The following GGTLC2 variants were observed in gnomAD, a reference collection of about 807,000 sequenced individuals.
GGTLC2 encodes the protein glutathione hydrolase light chain 2.
Under a neutral mutation model 20.2 loss-of-function variants are expected in GGTLC2, and 13 were observed. The ratio of observed to expected loss-of-function variants is 0.64; its 90% CI spans 0.42 to 1.02. The LOEUF (loss-of-function observed/expected upper bound fraction) is 1.02, where lower values mean the gene tolerates loss of function less well. Ranked by LOEUF, GGTLC2 falls within the 50% of genes least tolerant of loss-of-function variation. The probability of loss-of-function intolerance (pLI) is 0.00; values close to 1 mark genes in which losing one functional copy is unlikely to be tolerated. For missense variants in GGTLC2, 202 were observed against 301.3 expected, an observed-to-expected ratio of 0.67 and a Z score of 2.44; for synonymous variants, 89 against 125.5, an observed-to-expected ratio of 0.71 and a Z score of 1.94.
At chr22:22,647,379 T>G (rs4050573) in intron 5 of GGTLC2, 89 bp downstream of exon 5, 483 of 1,603,900 alleles carry the variant, frequency 3.0e-4, no homozygotes, top group Admixed American at 1.3e-3. Context: ...AGTGGACAAT[T>G]GTTGGTGTCC....
In GGTLC2 at chr22:22,646,604, C is replaced by A. The variant is rs1244566179; in HGVS notation, c.176+83C>A. 2.0e-5 allele frequency: 26 copies of A among 1,304,978 alleles called. 1 individual carries two copies. In the Admixed American group the frequency reaches 5.5e-4, roughly 28 times the overall value. The allele number at this position is 1,304,978 out of a possible 1,614,324, so 80.8% of individuals were successfully genotyped here. A position where few individuals can be genotyped will look rare whatever the true frequency, so the allele number is the denominator to read the frequency against. ...TGCCCACTTATCCAGTAAGGTGGCTCCATCACCTCTTTTCCTGGTGGGAAA... is the reference window on the plus strand; with the variant it reads ...TGCCCACTTATCCAGTAAGGTGGCTACATCACCTCTTTTCCTGGTGGGAAA... On this transcript the variant is annotated intron_variant, in intron 2 of 5. Coordinates refer to ENST00000448514, the MANE Select transcript of GGTLC2 (RefSeq NM_199127.3).
rs369053531 is a variant in GGTLC2 at position 22,647,222 on chromosome 22, G to T, written c.442G>T (p.Val148Leu). 3.1e-6 allele frequency: 5 copies of T among 1,611,356 alleles called. No homozygotes were observed. Among genetic ancestry groups the T allele is most frequent in the Non-Finnish European group, 3.4e-6 (4 of 1,179,576 alleles). ...GTTCGGCTATGACGTGAAGCGGGCC[G>T]TGGAGGAGCCCCGGCTGCACAACCA... ...LWFGYDVKRA[V>L]EEPRLHNQLL... Residue 148 changes from valine to leucine, a missense_variant, in exon 5 of 6, where the codon GTG (valine) becomes TTG (leucine). Physicochemically the swap from Val to Leu is conservative, Grantham distance 32. Around this residue, in one of 4 missense-constraint regions of GGTLC2, gnomAD observed 65 missense variants for 87.5 expected, o/e 0.74. Transcript: ENST00000448514.
chr22:22,645,072 T>C (rs2146233135), intron 1 of GGTLC2, among the ~76,000 whole-genome samples: 1 of 148,474 alleles, frequency 6.7e-6, no homozygotes, highest in East Asian at 2.2e-4. Flanking sequence ...TTTTGTATTT[T>C]TAGTAGAGAC....
chr22:22,645,074 A>G (rs985765843), intron 1 of GGTLC2, among the ~76,000 whole-genome samples: 2 of 147,804 alleles, frequency 1.4e-5, no homozygotes, highest in African/African-American at 5.0e-5. Flanking sequence ...TTGTATTTTT[A>G]GTAGAGACGG....
At position 22,647,422 on chromosome 22, in the gene GGTLC2, G is replaced by C. The variant is rs578239255; in HGVS notation, c.510+132G>C. 7.0e-6 allele frequency: 10 copies of C among 1,420,936 alleles called. No individual in the cohort carries two copies. In the African/African-American group the frequency reaches 1.4e-4, roughly 20 times the overall value. 88.0% of individuals were successfully genotyped at this position (1,420,936 alleles called of 1,614,324 possible). On this transcript the variant is annotated intron_variant, in intron 5 of 5. Transcript: ENST00000448514. Reference sequence around the variant, plus strand: ...AGTGCCTGGGCCATCTGGAGCCCCTGTGCCATGAGGGCCAAGCCCCCTGCT... The same window carrying C: ...AGTGCCTGGGCCATCTGGAGCCCCTCTGCCATGAGGGCCAAGCCCCCTGCT...
intron 1 of GGTLC2, among the ~76,000 whole-genome samples, chr22:22,645,679 C>A (rs2064046426): frequency 6.6e-6 from 1 of 151,156 alleles, no homozygotes; most frequent in South Asian, 2.1e-4. Context: ...CCTAAGCCTG[C>A]ATGGCACAGA....
intron 1 of GGTLC2, among the ~76,000 whole-genome samples, chr22:22,645,864 C>T (rs2064058532): frequency 6.6e-6 from 1 of 151,022 alleles, no homozygotes; most frequent in African/African-American, 2.4e-5. Flanking sequence ...AGGCTCTTTT[C>T]ACACGTTGCC....
intron 1 of GGTLC2, 146 bp from the exon 2 acceptor site, chr22:22,646,166 G>C (rs1470252660): frequency 7.2e-7 from 1 of 1,392,794 alleles, no homozygotes; most frequent in Admixed American, 2.4e-5. Flanking sequence ...CAGGGAGTCA[G>C]ACTGGTCATG....
chr22:22,646,981 A>G lies in GGTLC2; in HGVS notation c.305-2A>G, dbSNP rs200636442. ...ATCCCTGTCTTCTCCCATCGGCCAC[A>G]GGGAAGCAGCCGCTCTCGTCAATGT... is the stretch of plus-strand genomic sequence containing the variant. On this transcript the variant is annotated splice_acceptor_variant, in intron 3 of 5. Coordinates refer to ENST00000448514, the MANE Select transcript of GGTLC2 (RefSeq NM_199127.3). LOFTEE classifies it high-confidence loss of function. The G allele has an allele frequency of 3.7e-6, 6 of 1,611,660 alleles. No individual in the cohort carries two copies. Among genetic ancestry groups the G allele is most frequent in the Non-Finnish European group, 5.1e-6 (6 of 1,179,790 alleles).
At chr22:22,644,979 G>C (rs573375152) in intron 1 of GGTLC2, among the ~76,000 whole-genome samples, 30 of 114,326 alleles carry the variant, frequency 2.6e-4, no homozygotes, top group Admixed American at 2.3e-4. Flanking sequence ...CGCAAGCTCC[G>C]CCTACCGGGT....
chr22:22,646,446 A>T lies in GGTLC2; in HGVS notation c.101A>T (p.Asp34Val). 4 of 1,527,926 alleles carry T rather than the reference A, an allele frequency of 2.6e-6. 1 individual carries two copies. Among genetic ancestry groups the T allele is most frequent in the Non-Finnish European group, 3.6e-6 (4 of 1,122,014 alleles). 94.6% of individuals were successfully genotyped at this position (1,527,926 alleles called of 1,614,324 possible). A position where few individuals can be genotyped will look rare whatever the true frequency, so the allele number is the denominator to read the frequency against. Residue 34 changes from aspartate (D) to valine (V), a missense_variant, in exon 2 of 6, where the codon GAT becomes GTT. Asp to Val is a radical substitution (Grantham distance 152). Coordinates refer to ENST00000448514, the MANE Select transcript of GGTLC2 (RefSeq NM_199127.3). ...AAGCCCGAGTTCTACACGCCGGTTG[A>T]TGGGGGCACTGCTCACCTGTCTGTC... ...YYKPEFYTPV[D>V]GGTAHLSVVA... is the part of the protein sequence containing the mutation.
At chr22:22,644,978 C>T (rs1280154863) in intron 1 of GGTLC2, among the ~76,000 whole-genome samples, 2 of 133,874 alleles carry the variant, frequency 1.5e-5, no homozygotes, top group Admixed American at 1.5e-4. Flanking sequence ...CCGCAAGCTC[C>T]GCCTACCGGG....
rs376277305 is a variant in GGTLC2, at chr22:22,646,483, C to T, written c.138C>T (p.Asp46=). Residue 46 remains aspartate, a synonymous_variant, in exon 2 of 6, where the codon GAC becomes GAT. Coordinates refer to ENST00000448514, the MANE Select transcript of GGTLC2 (RefSeq NM_199127.3). ...GTAHLSVVAE[D]GSAVSATSTI... is the part of the protein sequence containing the mutation. Reference sequence around the variant, plus strand: ...CTCACCTGTCTGTCGTCGCAGAGGACGGCAGTGCTGTGTCCGCCACCAGCA... The same window carrying T: ...CTCACCTGTCTGTCGTCGCAGAGGATGGCAGTGCTGTGTCCGCCACCAGCA... 278 of 1,564,394 alleles carry T rather than the reference C, an allele frequency of 1.8e-4. 3 individuals are homozygous for T. Among genetic ancestry groups the T allele is most frequent in the African/African-American group, 3.1e-4 (23 of 74,306 alleles).
chr22:22,645,203 C>T (rs1249819692), intron 1 of GGTLC2, among the ~76,000 whole-genome samples: 26 of 151,324 alleles, frequency 1.7e-4, no homozygotes, highest in African/African-American at 4.9e-4. Flanking sequence ...CGTGAGCCAC[C>T]GCGCCCGGTG....
chr22:22,646,834 C>T lies in GGTLC2; in HGVS notation c.257C>T (p.Thr86Ile), dbSNP rs770082312. Residue 86 changes from threonine to isoleucine, a missense_variant, in exon 3 of 6, where the codon ACC (threonine) becomes ATC (isoleucine). By Grantham distance (89) the Thr-to-Ile change is moderately conservative. This residue lies in a region of GGTLC2 where 71 missense variants were observed against 63.0 expected (regional missense o/e 1.13). Transcript: ENST00000448514. ...GATGACTTCAGCTCTCCCAACATCA[C>T]CAACGAGTTTGGGGTGCCCCCCTCA... ...EMDDFSSPNI[T>I]NEFGVPPSPA... is the part of the protein sequence containing the mutation. The T allele has an allele frequency of 8.1e-6, 13 of 1,613,408 alleles. No individual in the cohort carries two copies. Among genetic ancestry groups the T allele is most frequent in the Non-Finnish European group, 1.1e-5 (13 of 1,179,730 alleles).
chr22:22,646,048 T>G lies in GGTLC2; in HGVS notation c.-34-264T>G, dbSNP rs6003135. The G allele has an allele frequency of 1.9e-4, 209 of 1,115,424 alleles. 2 individuals carry two copies. Among genetic ancestry groups the G allele is most frequent in the South Asian group, 1.5e-3 (91 of 58,826 alleles). 69.1% of individuals were successfully genotyped at this position (1,115,424 alleles called of 1,614,324 possible). A position where few individuals can be genotyped will look rare whatever the true frequency, so the allele number is the denominator to read the frequency against. On this transcript the variant is annotated intron_variant, in intron 1 of 5. Coordinates refer to ENST00000448514, the MANE Select transcript of GGTLC2 (RefSeq NM_199127.3). ...CCCAGTTCCAGGCATGCAGTGCAAA[T>G]TCTAGAAATATTTTTTGCATGAAGG... is the stretch of plus-strand genomic sequence containing the variant.
intron 1 of GGTLC2, among the ~76,000 whole-genome samples, chr22:22,645,194 G>A (rs1367401713): frequency 6.6e-6 from 1 of 150,420 alleles, no homozygotes; most frequent in Non-Finnish European, 1.5e-5. Context: ...GATTACAGGC[G>A]TGAGCCACCG....
rs1228205203 is a variant in GGTLC2, at chr22:22,645,735, C to T, written c.-34-577C>T. On this transcript the variant is annotated intron_variant, in intron 1 of 5. Coordinates refer to ENST00000448514, the MANE Select transcript of GGTLC2 (RefSeq NM_199127.3). ...GACCTAGGAGGTCCTGTGGGATGGG[C>T]CCCAGCCTGCATCTTCATCCTCTTC... Among the ~76,000 whole-genome samples the T allele has an allele frequency of 2.6e-5, 4 of 151,546 alleles. No individual in the cohort carries two copies. The East Asian group carries it at 8.0e-4, about 30-fold the overall frequency.
In GGTLC2 at chr22:22,647,611, T is replaced by G. The variant is rs1186133778; in HGVS notation, c.527T>G (p.Leu176Arg). The change falls in exon 6 of 6, where the codon CTG (leucine) becomes CGG (arginine). Residue 176 changes from leucine to arginine, a missense_variant. Transcript: ENST00000448514. ...CACCCCCAGGCAGTGACTGCAGCCC[T>G]GGAGACCCGGCACCATCACACCCAG... ...RNIDQAVTAA[L>R]ETRHHHTQIA... The G allele has an allele frequency of 4.4e-6, 7 of 1,586,044 alleles. No individual in the cohort carries two copies. The highest frequency in any genetic ancestry group is 6.0e-6 in the Non-Finnish European group (7 of 1,159,388).
Sources: allele counts gnomAD v4.1 joint callset (sites outside exome capture counted in the v4.1 genomes callset), GRCh38; gene constraint gnomAD v4.1.1; regional missense constraint gnomAD v4.1.1; transcripts MANE v1.5; gene names NCBI Gene and HGNC (gene_info 2026-07-23, HGNC 2026-07-21).